Variants in PEBP4 observed in about 807,000 individuals in gnomAD.
PEBP4 encodes phosphatidylethanolamine-binding protein 4.
PEBP4 carries 22 observed loss-of-function variants against 23.9 expected under a neutral mutation model. The ratio of observed to expected loss-of-function variants is 0.92; its 90% confidence interval spans 0.66 to 1.31. The LOEUF (loss-of-function observed/expected upper bound fraction) is 1.31. Ranked by LOEUF, PEBP4 falls within the 40% of genes most tolerant of loss-of-function variation. The probability of loss-of-function intolerance (pLI) is 0.00; values close to 1 mark genes in which losing one functional copy is unlikely to be tolerated. For synonymous variants in PEBP4, 112 were observed against 99.3 expected, an observed-to-expected ratio of 1.13 and a Z score of -0.76; for missense variants, 324 against 281.7, an observed-to-expected ratio of 1.15 and a Z score of -1.07.
At chr8:22,739,448 T>G (rs1294391901) in intron 4 of PEBP4, among the ~76,000 whole-genome samples, 2 of 152,148 alleles carry the variant, frequency 1.3e-5, no homozygotes, top group Non-Finnish European at 2.9e-5. Flanking sequence ...GCTGGGTGGC[T>G]GCACCTCCAA....
chr8:22,731,429 T>C (rs1563197190), intron 4 of PEBP4, among the ~76,000 whole-genome samples: 2 of 152,218 alleles, frequency 1.3e-5, no homozygotes, highest in Admixed American at 1.3e-4. Flanking sequence ...CATTTTCTTT[T>C]CTTTGGCTTA....
chr8:22,932,407 G>C (rs938014761), upstream of PEBP4, among the ~76,000 whole-genome samples: 1 of 152,130 alleles, frequency 6.6e-6, no homozygotes, highest in Non-Finnish European at 1.5e-5. Context: ...TGAATTGTGA[G>C]ATAAGTGGAG....
intron 4 of PEBP4, among the ~76,000 whole-genome samples, chr8:22,749,819 T>TTTTTTTTTTTTTTTTTTTTTTTTTC (rs1805212103): frequency 7.0e-6 from 1 of 143,694 alleles, no homozygotes; most frequent in Non-Finnish European, 1.5e-5. Context: ...TTTTTTTTTT[T>TTTTTTTTTTTTTTTTTTTTTTTTTC]TTTTGAGATG....
At chr8:22,921,441 G>C (rs1809197982) in intron 2 of PEBP4, among the ~76,000 whole-genome samples, 2 of 152,212 alleles carry the variant, frequency 1.3e-5, no homozygotes, top group Non-Finnish European at 2.9e-5. Context: ...TCTGGAAAGG[G>C]AGCTCCCTGA....
intron 4 of PEBP4, among the ~76,000 whole-genome samples, chr8:22,810,669 G>GGTGTGTGTGTGTGTGTGTGT (rs60078589): frequency 7.7e-6 from 1 of 129,130 alleles, no homozygotes; most frequent in African/African-American, 3.0e-5. Context: ...CTCATGGAGG[G>GGTGTGTGTGTGTGTGTGTGT]GTGTGTGTGT....
intron 3 of PEBP4, 27 bp downstream of exon 3, chr8:22,920,157 C>G (rs376293401): frequency 4.3e-5 from 68 of 1,594,590 alleles, no homozygotes; most frequent in Middle Eastern, 3.8e-4. Flanking sequence ...ACTGTCCCCC[C>G]GCTTTAACAC....
At chr8:22,800,631 G>T (rs1213350306) in intron 4 of PEBP4, among the ~76,000 whole-genome samples, 1 of 152,144 alleles carries the variant, frequency 6.6e-6, no homozygotes, top group Non-Finnish European at 1.5e-5. Context: ...ACATCAGGCT[G>T]CAGGAACTCC....
intron 3 of PEBP4, among the ~76,000 whole-genome samples, chr8:22,887,398 C>T (rs1267845390): frequency 2.0e-5 from 3 of 152,058 alleles, no homozygotes; most frequent in African/African-American, 7.2e-5. Flanking sequence ...ATCTGCCCAC[C>T]TCGGCCTCCC....
intron 3 of PEBP4, chr8:22,887,621 C>T (rs1019750897): frequency 2.0e-5 from 3 of 151,744 alleles, no homozygotes; most frequent in African/African-American, 4.8e-5. Flanking sequence ...AAACATCAGC[C>T]GTGTGTGATG....
At chr8:22,819,372 T>G (rs746294381) in intron 3 of PEBP4, among the ~76,000 whole-genome samples, 5 of 152,192 alleles carry the variant, frequency 3.3e-5, no homozygotes, top group Non-Finnish European at 7.3e-5. Flanking sequence ...CAATCTGATT[T>G]GACAACTTGG....
At chr8:22,844,431 C>A (rs1470445719) in intron 3 of PEBP4, among the ~76,000 whole-genome samples, 1 of 152,036 alleles carries the variant, frequency 6.6e-6, no homozygotes, top group Non-Finnish European at 1.5e-5. Flanking sequence ...TAGAGACGGG[C>A]TTTCTCCATG....
chr8:22,817,222 G>A lies in PEBP4; in HGVS notation c.357+415C>T, dbSNP rs141475559. Reference sequence around the variant, plus strand: ...TCCAGGACTTCTCCTGGCCGGTTCTGCCACCTGCACGTCTCAGAATCCCCT... The same window carrying A: ...TCCAGGACTTCTCCTGGCCGGTTCTACCACCTGCACGTCTCAGAATCCCCT... On this transcript the variant is annotated intron_variant, in intron 4 of 6. Coordinates refer to ENST00000256404, the MANE Select transcript of PEBP4 (RefSeq NM_144962.3). 4.7e-3 allele frequency among the ~76,000 whole-genome samples: 717 copies of A among 152,322 alleles called. 4 individuals carry two copies. Among genetic ancestry groups the A allele is most frequent in the African/African-American group, 0.016 (664 of 41,590 alleles).
chr8:22,871,817 G>A (rs111810538), intron 3 of PEBP4, among the ~76,000 whole-genome samples: 485 of 152,122 alleles, frequency 3.2e-3, no homozygotes, highest in Non-Finnish European at 5.2e-3. Flanking sequence ...CTCCCAAAGG[G>A]CTGGAATTAC....
intron 6 of PEBP4, among the ~76,000 whole-genome samples, chr8:22,720,851 A>C (rs543635925): frequency 1.3e-5 from 2 of 152,294 alleles, no homozygotes; most frequent in South Asian, 4.1e-4. Flanking sequence ...CATGCATGAG[A>C]GCAGGGACAC....
intron 4 of PEBP4, among the ~76,000 whole-genome samples, chr8:22,812,899 C>T (rs1244720008): frequency 2.6e-5 from 4 of 152,100 alleles, no homozygotes; most frequent in Non-Finnish European, 4.4e-5. Flanking sequence ...TTTCCTTTTT[C>T]CTTGTCTCCA....
intron 4 of PEBP4, among the ~76,000 whole-genome samples, chr8:22,803,047 C>G (rs1218097262): frequency 1.3e-5 from 2 of 152,172 alleles, no homozygotes; most frequent in African/African-American, 4.8e-5. Context: ...CTTAGCAGAG[C>G]AGACCCCTCA....
chr8:22,729,928 C>G (rs539412253), intron 4 of PEBP4, among the ~76,000 whole-genome samples: 1 of 152,210 alleles, frequency 6.6e-6, no homozygotes, highest in African/African-American at 2.4e-5. Context: ...ACCATAGAAT[C>G]AACACCTGGT....
At chr8:22,834,115 A>T (rs564741168) in intron 3 of PEBP4, among the ~76,000 whole-genome samples, 1 of 152,148 alleles carries the variant, frequency 6.6e-6, no homozygotes, top group Admixed American at 6.5e-5. Flanking sequence ...CCAGCACCCA[A>T]TTGAGAAGCT....
intron 4 of PEBP4, among the ~76,000 whole-genome samples, chr8:22,755,397 G>A (rs1289542538): frequency 6.8e-6 from 1 of 146,826 alleles, no homozygotes; most frequent in African/African-American, 2.5e-5. Context: ...GCGCAGTGGC[G>A]TGATCTCGGC....
Sources: allele counts gnomAD v4.1 joint callset (sites outside exome capture counted in the v4.1 genomes callset), GRCh38; gene constraint gnomAD v4.1.1; transcripts MANE v1.5; gene names NCBI Gene and HGNC (gene_info 2026-07-23, HGNC 2026-07-21).